Variants in RIMS1 observed in about 807,000 individuals in gnomAD.
The protein encoded by RIMS1 is regulating synaptic membrane exocytosis protein 1.
Under a neutral mutation model 214.1 loss-of-function variants are expected in RIMS1, and 83 were observed. The observed-to-expected ratio is 0.39, with a 90% CI of 0.32 to 0.47. The LOEUF (loss-of-function observed/expected upper bound fraction) is 0.47. RIMS1 is among the 20% of genes least tolerant of loss of function. The probability of loss-of-function intolerance (pLI) is 0.99; values close to 1 mark genes in which losing one functional copy is unlikely to be tolerated. For synonymous variants in RIMS1, 793 were observed against 786.8 expected, an observed-to-expected ratio of 1.01 and a Z score of -0.13; for missense variants, 2,050 against 2,161.8, an observed-to-expected ratio of 0.95 and a Z score of 1.03.
intron 2 of RIMS1, among the ~76,000 whole-genome samples, chr6:72,029,507 G>A (rs980856302): frequency 2.6e-5 from 4 of 152,088 alleles, no homozygotes; most frequent in African/African-American, 9.7e-5. Context: ...GCAAGAAGGT[G>A]ACATCCAGAA....
intron 1 of RIMS1, among the ~76,000 whole-genome samples, chr6:71,907,591 A>G (rs1405438737): frequency 6.6e-6 from 1 of 152,008 alleles, no homozygotes; most frequent in Non-Finnish European, 1.5e-5. Flanking sequence ...CTAATATTTT[A>G]AAAATACAGA....
intron 1 of RIMS1, among the ~76,000 whole-genome samples, chr6:71,919,551 A>G (rs765250187): frequency 2.0e-5 from 3 of 152,178 alleles, no homozygotes; most frequent in Admixed American, 1.3e-4. Flanking sequence ...CTTGGGAGTC[A>G]TCAGGATACT....
intron 28 of RIMS1, among the ~76,000 whole-genome samples, chr6:72,327,717 A>C (rs2096527766): frequency 6.6e-6 from 1 of 151,812 alleles, no homozygotes; most frequent in South Asian, 2.1e-4. Flanking sequence ...AGTACATTTA[A>C]AGTAGAATAT....
chr6:72,390,370 G>T (rs1272368807), intron 29 of RIMS1, among the ~76,000 whole-genome samples: 2 of 152,128 alleles, frequency 1.3e-5, no homozygotes, highest in Non-Finnish European at 2.9e-5. Flanking sequence ...TGAGATTTAG[G>T]CAGTCACTGA....
chr6:72,388,000 A>G (rs2098641360), intron 29 of RIMS1, among the ~76,000 whole-genome samples: 1 of 152,258 alleles, frequency 6.6e-6, no homozygotes, highest in African/African-American at 2.4e-5. Context: ...AAAATTGCAC[A>G]TTAGTATATG....
chr6:72,100,271 A>T (rs1309832809), intron 4 of RIMS1, among the ~76,000 whole-genome samples: 1 of 152,040 alleles, frequency 6.6e-6, no homozygotes, highest in East Asian at 1.9e-4. Flanking sequence ...AGTTTTGATG[A>T]TTATTCCAAC....
intron 6 of RIMS1, among the ~76,000 whole-genome samples, chr6:72,200,610 G>A (rs1274029247): frequency 2.6e-5 from 4 of 152,152 alleles, no homozygotes; most frequent in Non-Finnish European, 5.9e-5. Context: ...TCTTATGAAG[G>A]ATAGAGATGA....
intron 4 of RIMS1, among the ~76,000 whole-genome samples, chr6:72,126,394 A>T (rs2039508695): frequency 6.6e-6 from 1 of 152,164 alleles, no homozygotes; most frequent in East Asian, 1.9e-4. Flanking sequence ...CCAAAAGCAA[A>T]TGCAACAAAA....
rs550760131 is a variant in RIMS1 at position 72,089,733 on chromosome 6, G to A, written c.246-7216G>A. Reference sequence around the variant, plus strand: ...ACACATGCACACGTATGTTTATTGCGGCATTATTCACAATAGCAAAGACTT... The same window carrying A: ...ACACATGCACACGTATGTTTATTGCAGCATTATTCACAATAGCAAAGACTT... On this transcript the variant is annotated intron_variant, in intron 2 of 33. Transcript: ENST00000521978. 2.4e-3 allele frequency among the ~76,000 whole-genome samples: 357 copies of A among 148,590 alleles called. 3 individuals are homozygous for A. Among genetic ancestry groups the A allele is most frequent in the South Asian group, 0.012 (53 of 4,514 alleles).
At chr6:72,297,800 AAAG>A (rs1415031225) in intron 26 of RIMS1, among the ~76,000 whole-genome samples, 5 of 152,026 alleles carry the variant, frequency 3.3e-5, no homozygotes, top group African/African-American at 1.2e-4. Flanking sequence ...CAAAACTTTG[AAAG>A]AATAGAAGCA....
chr6:72,299,124 C>T (rs999293159), intron 26 of RIMS1, among the ~76,000 whole-genome samples: 2 of 151,610 alleles, frequency 1.3e-5, no homozygotes, highest in South Asian at 2.1e-4. Flanking sequence ...TTGGGGGCAT[C>T]GAAATAATGA....
At chr6:72,278,796 C>A (rs2088268031) in intron 23 of RIMS1, among the ~76,000 whole-genome samples, 1 of 152,026 alleles carries the variant, frequency 6.6e-6, no homozygotes. Flanking sequence ...ATCTTCACTG[C>A]ATAGGAACAT....
chr6:72,160,445 C>T (rs1358319427), intron 4 of RIMS1, among the ~76,000 whole-genome samples: 1 of 139,772 alleles, frequency 7.2e-6, no homozygotes, highest in African/African-American at 2.5e-5. Context: ...TGAGAGAGGA[C>T]ATCCCTGTCT....
At chr6:72,016,171 A>G (rs191622847) in intron 2 of RIMS1, among the ~76,000 whole-genome samples, 8 of 152,154 alleles carry the variant, frequency 5.3e-5, no homozygotes, top group Admixed American at 2.0e-4. Flanking sequence ...CATGGTGTAC[A>G]TAATCTTTTT....
At chr6:72,320,069 GA>G (rs1487156768) in intron 28 of RIMS1, among the ~76,000 whole-genome samples, 1 of 152,008 alleles carries the variant, frequency 6.6e-6, no homozygotes, top group Non-Finnish European at 1.5e-5. Flanking sequence ...TTTAAAATTC[GA>G]ATTTTGATTA....
chr6:72,146,737 C>A (rs1332746788), intron 4 of RIMS1, among the ~76,000 whole-genome samples: 1 of 152,176 alleles, frequency 6.6e-6, no homozygotes, highest in African/African-American at 2.4e-5. Context: ...CTAACCTAGA[C>A]AAAAATTTAT....
At chr6:71,954,908 C>T (rs1436664150) in intron 1 of RIMS1, among the ~76,000 whole-genome samples, 1 of 151,004 alleles carries the variant, frequency 6.6e-6, no homozygotes, top group Non-Finnish European at 1.5e-5. Flanking sequence ...GAGGTGACTA[C>T]TTTCTGATTC....
intron 2 of RIMS1, among the ~76,000 whole-genome samples, chr6:72,026,850 C>T (rs1354710692): frequency 6.6e-6 from 1 of 152,078 alleles, no homozygotes; most frequent in African/African-American, 2.4e-5. Flanking sequence ...CCCTTGAGGG[C>T]AAAAGTCATT....
intron 29 of RIMS1, among the ~76,000 whole-genome samples, chr6:72,358,145 T>A (rs1224484512): frequency 6.6e-6 from 1 of 151,180 alleles, no homozygotes; most frequent in Non-Finnish European, 1.5e-5. Context: ...TTGCTGCTCA[T>A]AGAAGTAAGT....
Sources: allele counts gnomAD v4.1 joint callset (sites outside exome capture counted in the v4.1 genomes callset), GRCh38; gene constraint gnomAD v4.1.1; transcripts MANE v1.5; gene names NCBI Gene and HGNC (gene_info 2026-07-23, HGNC 2026-07-21).